PABIR3: variants seen among roughly 807,000 people sequenced by gnomAD.
The protein encoded by PABIR3 is PABIR family member 1.
In PABIR3, 20 loss-of-function variants were observed where a neutral mutation model predicts 23.1. That is an observed-to-expected ratio of 0.86 (90% CI 0.61 to 1.26). The LOEUF (loss-of-function observed/expected upper bound fraction) is 1.26. Ranked by LOEUF, PABIR3 falls within the 50% of genes most tolerant of loss-of-function variation. The probability of loss-of-function intolerance (pLI) is 0.00; values close to 1 mark genes in which losing one functional copy is unlikely to be tolerated. For synonymous variants in PABIR3, 69 were observed against 68.5 expected (o/e 1.01, Z -0.04); for missense variants, 189 against 195.4 (o/e 0.97, Z 0.20).
intron 2 of PABIR3, chrX:134,809,498 G>T: frequency 1.3e-6 from 1 of 753,443 alleles, no homozygotes; most frequent in Non-Finnish European, 1.6e-6. Flanking sequence ...CTTTTAAAAT[G>T]AGATGTTGGA....
chrX:134,829,752 G>T (rs910969147), intron 4 of PABIR3, among the ~76,000 whole-genome samples: 2 of 111,436 alleles, frequency 1.8e-5, no homozygotes, highest in African/African-American at 6.5e-5. Flanking sequence ...CTGTGTTTGT[G>T]TGTTTGTGTT....
At chrX:134,832,310 G>A (rs1487203120) in intron 4 of PABIR3, among the ~76,000 whole-genome samples, 1 of 106,220 alleles carries the variant, frequency 9.4e-6, no homozygotes, top group Admixed American at 1.0e-4. Flanking sequence ...TAGAACATGC[G>A]ATGTTTGTCT....
rs779461848 is a variant in PABIR3, at chrX:134,854,135, C to A, written c.731C>A (p.Ser244Tyr). 10 of 1,211,268 alleles carry A rather than the reference C, an allele frequency of 8.3e-6. No homozygotes were observed. Among genetic ancestry groups the A allele is most frequent in the Non-Finnish European group, 5.6e-6 (5 of 895,205 alleles). The part of the protein sequence containing the change: ...TFDGNDSNAG[S>Y]SGNSSAEIGT... Reference sequence around the variant, plus strand: ...GATGGAAACGACAGCAATGCTGGATCTTCTGGTAATTCGTCAGCTGAAATC... The same window carrying A: ...GATGGAAACGACAGCAATGCTGGATATTCTGGTAATTCGTCAGCTGAAATC... Residue 244 changes from serine (S) to tyrosine (Y), a missense_variant, in exon 11 of 11, where the codon TCT becomes TAT. By Grantham distance (144) the Ser-to-Tyr change is moderately radical. Transcript: ENST00000645433.
chrX:134,861,005 A>G, the PABIR3 span, among the ~76,000 whole-genome samples: 20,048 of 111,658 alleles, frequency 0.18, 2,873 homozygotes, highest in African/African-American at 0.49. Context: ...GGCTGGGCAC[A>G]GTGGCTCACG....
chrX:134,834,837 T>A (rs1364495430), intron 4 of PABIR3, among the ~76,000 whole-genome samples: 2 of 111,677 alleles, frequency 1.8e-5, no homozygotes, highest in Non-Finnish European at 3.8e-5. Context: ...TGGTGTTATT[T>A]CTGAGGTCTC....
chrX:134,851,776 G>C (rs940592638), intron 9 of PABIR3, among the ~76,000 whole-genome samples: 1 of 111,667 alleles, frequency 9.0e-6, no homozygotes, highest in African/African-American at 3.3e-5. Flanking sequence ...CGGGACACCA[G>C]ACTTCTTTTA....
chrX:134,797,874 A>G (rs1603106213), intron 1 of PABIR3, among the ~76,000 whole-genome samples: 1 of 102,345 alleles, frequency 9.8e-6, no homozygotes, highest in Admixed American at 1.1e-4. Flanking sequence ...AGGGCAGTGC[A>G]CGATCTTGTC....
In PABIR3 at chrX:134,807,719, T is replaced by C; in HGVS notation, c.110+11T>C. The C allele has an allele frequency of 2.6e-6, 3 of 1,162,440 alleles. No individual in the cohort carries two copies. The highest frequency in any genetic ancestry group is 3.5e-6 in the Non-Finnish European group (3 of 864,950). ...GATCAATGGACTTGGGTGAGCCGGG[T>C]TGAGATACTGGAGGAGGCAAGCGGT... On this transcript the variant is annotated intron_variant, in intron 2 of 10. Transcript: ENST00000645433.
chrX:134,815,546 T>G (rs1012852453), intron 3 of PABIR3, among the ~76,000 whole-genome samples: 1 of 112,279 alleles, frequency 8.9e-6, no homozygotes, highest in African/African-American at 3.2e-5. Flanking sequence ...GTTTCTAAAG[T>G]GCATACATAT....
At chrX:134,826,617 T>C (rs1287136907) in intron 3 of PABIR3, among the ~76,000 whole-genome samples, 1 of 111,439 alleles carries the variant, frequency 9.0e-6, no homozygotes, top group Non-Finnish European at 1.9e-5. Flanking sequence ...ATTCAAAAAA[T>C]AGTGAAATAC....
chrX:134,851,967 A>G (rs2082652248), intron 9 of PABIR3, among the ~76,000 whole-genome samples: 1 of 112,380 alleles, frequency 8.9e-6, no homozygotes, highest in Non-Finnish European at 1.9e-5. Context: ...TTCAAGGCAA[A>G]GATTACAAAA....
At chrX:134,807,377 T>C in intron 1 of PABIR3, 36 bp downstream of exon 1, 1 of 981,069 alleles carries the variant, frequency 1.0e-6, no homozygotes, top group Non-Finnish European at 1.3e-6. Flanking sequence ...GCCCCGATCA[T>C]GGGAGATAGG....
chrX:134,803,711 C>A (rs1243648189), upstream of PABIR3, among the ~76,000 whole-genome samples: 1 of 111,710 alleles, frequency 9.0e-6, no homozygotes, highest in African/African-American at 3.3e-5. Context: ...ACCCTTAAGG[C>A]CAGCCCCACC....
intron 2 of PABIR3, chrX:134,810,555 G>C: frequency 1.3e-6 from 1 of 754,151 alleles, no homozygotes; most frequent in Non-Finnish European, 1.6e-6. Context: ...GGCATATTTT[G>C]TGCTGTTGTA....
At chrX:134,842,843 A>G (rs1355061431) in intron 4 of PABIR3, among the ~76,000 whole-genome samples, 2 of 104,678 alleles carry the variant, frequency 1.9e-5, no homozygotes, top group African/African-American at 7.2e-5. Flanking sequence ...GGTTGCAGTG[A>G]GCTGAGATTG....
the PABIR3 span, among the ~76,000 whole-genome samples, chrX:134,863,243 T>C: frequency 9.0e-6 from 1 of 111,459 alleles, no homozygotes; most frequent in African/African-American, 3.3e-5. Flanking sequence ...GGAGCAGGAC[T>C]GAAATAATAA....
intron 2 of PABIR3, chrX:134,810,278 C>A (rs1274958806): frequency 4.0e-6 from 3 of 752,835 alleles, no homozygotes; most frequent in Non-Finnish European, 4.7e-6. Context: ...CTTTGTTCTG[C>A]AAAGGATTTT....
intron 2 of PABIR3, chrX:134,809,777 C>G (rs2080527047): frequency 1.3e-6 from 1 of 747,686 alleles, no homozygotes; most frequent in Non-Finnish European, 1.6e-6. Context: ...TTCCTGACTC[C>G]TAAACTACTG....
At chrX:134,804,125 A>T, upstream of PABIR3, 1 of 831,694 alleles carries the variant, frequency 1.2e-6, no homozygotes, top group Non-Finnish European at 1.7e-6. Context: ...CAGACGCAGC[A>T]GACTGGGATA....
Sources: gnomAD v4.1 joint callset for allele counts (sites outside exome capture counted in the v4.1 genomes callset) on GRCh38, gnomAD v4.1.1 for gene constraint, MANE v1.5 for transcripts, NCBI Gene and HGNC (gene_info 2026-07-23, HGNC 2026-07-21) for gene names.